PRKN: variants seen among roughly 807,000 people sequenced by gnomAD.
PRKN encodes the protein E3 ubiquitin-protein ligase parkin.
Under a neutral mutation model 59.5 loss-of-function variants are expected in PRKN, and 56 were observed. The observed-to-expected ratio is 0.94, with a 90% CI of 0.76 to 1.18. The LOEUF (loss-of-function observed/expected upper bound fraction) is 1.18. Ranked by LOEUF, PRKN falls within the 50% of genes most tolerant of loss-of-function variation. The probability of loss-of-function intolerance (pLI) is 0.00; values close to 1 mark genes in which losing one functional copy is unlikely to be tolerated. For missense variants in PRKN, 657 were observed against 596.4 expected (o/e 1.10, Z -1.06); for synonymous variants, 250 against 222.1 (o/e 1.13, Z -1.12).
intron 3 of PRKN, among the ~76,000 whole-genome samples, chr6:162,233,090 C>T (rs926794022): frequency 6.6e-6 from 1 of 151,998 alleles, no homozygotes; most frequent in Admixed American, 6.6e-5. Context: ...TAAAAGAAAC[C>T]CATTGATAGA....
At chr6:161,972,091 T>C (rs558118832) in intron 6 of PRKN, among the ~76,000 whole-genome samples, 7 of 151,936 alleles carry the variant, frequency 4.6e-5, no homozygotes, top group African/African-American at 1.7e-4. Flanking sequence ...CTGACCAATA[T>C]GAAGAAACCC....
At chr6:162,505,742 C>T (rs1291525086) in intron 1 of PRKN, among the ~76,000 whole-genome samples, 2 of 152,064 alleles carry the variant, frequency 1.3e-5, no homozygotes, top group African/African-American at 2.4e-5. Context: ...CAAATGTACC[C>T]ATAATATGTG....
intron 7 of PRKN, among the ~76,000 whole-genome samples, chr6:161,618,281 G>A (rs530312947): frequency 1.3e-5 from 2 of 152,296 alleles, no homozygotes; most frequent in East Asian, 3.9e-4. Context: ...TATTTGGTTT[G>A]ATAATCCTTT....
intron 7 of PRKN, among the ~76,000 whole-genome samples, chr6:161,571,429 A>G (rs1780885495): frequency 6.6e-6 from 1 of 152,216 alleles, no homozygotes; most frequent in African/African-American, 2.4e-5. Context: ...AGTGGTCAGA[A>G]GCCCTGAGAG....
At chr6:162,322,259 A>ATATG (rs1783062411) in intron 2 of PRKN, among the ~76,000 whole-genome samples, 1 of 151,602 alleles carries the variant, frequency 6.6e-6, no homozygotes, top group Admixed American at 6.6e-5. Context: ...TGTGAATTGT[A>ATATG]CACTGAAAAG....
At chr6:162,591,349 T>C (rs1217932781) in intron 1 of PRKN, among the ~76,000 whole-genome samples, 1 of 152,134 alleles carries the variant, frequency 6.6e-6, no homozygotes, top group East Asian at 1.9e-4. Context: ...TCTTCTTAAT[T>C]TTTTTAAATT....
intron 2 of PRKN, among the ~76,000 whole-genome samples, chr6:162,415,772 G>A (rs1258740754): frequency 1.3e-5 from 2 of 152,060 alleles, no homozygotes; most frequent in Non-Finnish European, 2.9e-5. Context: ...AGCCCAAATT[G>A]CGCCACTGCA....
chr6:162,262,094 T>G (rs754190131), intron 3 of PRKN, among the ~76,000 whole-genome samples: 10 of 152,188 alleles, frequency 6.6e-5, no homozygotes, highest in Non-Finnish European at 1.3e-4. Flanking sequence ...TTAATTTTTT[T>G]AAAATAACTA....
intron 1 of PRKN, among the ~76,000 whole-genome samples, chr6:162,696,559 C>CTTTTTTTTTT (rs748055251): frequency 2.8e-5 from 3 of 108,510 alleles, no homozygotes; most frequent in African/African-American, 3.6e-5. Flanking sequence ...TCAGGAAAAA[C>CTTTTTTTTTT]TTTTTTTTTT....
chr6:161,533,020 T>TA lies in PRKN; in HGVS notation c.1083+15833dup, dbSNP rs1287919191. 1.3e-5 allele frequency among the ~76,000 whole-genome samples: 2 copies of TA among 152,124 alleles called. No individual in the cohort carries two copies. Among genetic ancestry groups the TA allele is most frequent in the Non-Finnish European group, 2.9e-5 (2 of 68,014 alleles). On this transcript the variant is annotated intron_variant, in intron 9 of 11. Coordinates refer to ENST00000366898, the MANE Select transcript of PRKN (RefSeq NM_004562.3). The surrounding 1 kb of genome is among the most constrained non-coding windows in gnomAD (Gnocchi z 4.1). ...AATATTAAACTCATATTTTTAGATT[T>TA]AAAAAAGGCAGCAAATTATGCAGCA...
At chr6:161,951,486 TG>T (rs1779988534) in intron 6 of PRKN, among the ~76,000 whole-genome samples, 1 of 152,234 alleles carries the variant, frequency 6.6e-6, no homozygotes, top group South Asian at 2.1e-4. Flanking sequence ...ACACTGTCAC[TG>T]GTTTGGAGGA....
At chr6:162,112,365 C>A (rs1015853859) in intron 4 of PRKN, among the ~76,000 whole-genome samples, 2 of 152,152 alleles carry the variant, frequency 1.3e-5, no homozygotes, top group South Asian at 4.2e-4. Context: ...ATTACTAGGA[C>A]TTTTTTTACA....
At chr6:162,447,866 A>G (rs1188976169) in intron 1 of PRKN, among the ~76,000 whole-genome samples, 2 of 152,108 alleles carry the variant, frequency 1.3e-5, no homozygotes, top group African/African-American at 4.8e-5. Flanking sequence ...ATGCAAGCCA[A>G]TCTGTGCCTG....
intron 2 of PRKN, among the ~76,000 whole-genome samples, chr6:162,292,438 A>G: frequency 6.6e-6 from 1 of 152,182 alleles, no homozygotes; most frequent in East Asian, 1.9e-4. Context: ...CTCCACCTAC[A>G]GGCAGAGGCT....
At chr6:161,374,561 TGTG>T (rs901311437) in intron 10 of PRKN, among the ~76,000 whole-genome samples, 4 of 127,792 alleles carry the variant, frequency 3.1e-5, no homozygotes, top group African/African-American at 5.8e-5. Flanking sequence ...GTGATGTGTG[TGTG>T]GTGTGTGTAA....
chr6:162,603,149 T>A (rs1781776209), intron 1 of PRKN, among the ~76,000 whole-genome samples: 1 of 152,106 alleles, frequency 6.6e-6, no homozygotes, highest in South Asian at 2.1e-4. Context: ...CCTATCTGAG[T>A]ATATTACTGT....
At chr6:162,671,438 G>T (rs1185504103) in intron 1 of PRKN, among the ~76,000 whole-genome samples, 1 of 150,572 alleles carries the variant, frequency 6.6e-6, no homozygotes, top group East Asian at 2.0e-4. Flanking sequence ...GGCGGAGGAT[G>T]CAGTGAGCCG....
intron 2 of PRKN, among the ~76,000 whole-genome samples, chr6:162,334,233 A>G (rs1422489187): frequency 6.6e-6 from 1 of 152,252 alleles, no homozygotes; most frequent in African/African-American, 2.4e-5. Flanking sequence ...TGGATACACC[A>G]AACAACAGAT....
intron 7 of PRKN, among the ~76,000 whole-genome samples, chr6:161,597,915 A>G (rs191871285): frequency 1.2e-3 from 185 of 152,320 alleles, no homozygotes; most frequent in African/African-American, 4.3e-3. Context: ...TAGTTCATGT[A>G]CCTACTTAAA....
Sources: allele counts gnomAD v4.1 joint callset (sites outside exome capture counted in the v4.1 genomes callset), GRCh38; gene constraint gnomAD v4.1.1; non-coding constraint Gnocchi (gnomAD v3.1); transcripts MANE v1.5; gene names NCBI Gene and HGNC (gene_info 2026-07-23, HGNC 2026-07-21).